GABRP: variants seen among roughly 807,000 people sequenced by gnomAD.
GABRP encodes the protein gamma-aminobutyric acid type A receptor subunit pi, also known as gamma-aminobutyric acid receptor subunit pi.
In GABRP, 52 loss-of-function variants were observed where a neutral mutation model predicts 47.8. That is an observed-to-expected ratio of 1.09 (90% CI 0.87 to 1.37). The LOEUF is 1.37. Among genes scored for constraint, GABRP ranks in the 40% most tolerant of loss-of-function variants. The pLI, the probability that GABRP is intolerant of heterozygous loss-of-function variation, is 0.00. For missense variants in GABRP, 525 were observed against 542.8 expected (o/e 0.97, Z 0.33); for synonymous variants, 221 against 205.8 (o/e 1.07, Z -0.63).
chr5:170,804,750 C>T (rs1765684267), intron 6 of GABRP, among the ~76,000 whole-genome samples: 1 of 151,880 alleles, frequency 6.6e-6, no homozygotes. Flanking sequence ...ATCATCGTCA[C>T]TCATAGACTT....
chr5:170,810,850 A>G (rs562339620), intron 9 of GABRP, among the ~76,000 whole-genome samples: 3 of 152,232 alleles, frequency 2.0e-5, no homozygotes, highest in African/African-American at 7.2e-5. Flanking sequence ...CACGTGTGCC[A>G]GCCAAAGAGG....
rs538415947 is a variant in GABRP, at chr5:170,802,218, T to A, written c.542-3498T>A. 9.2e-5 allele frequency among the ~76,000 whole-genome samples: 14 copies of A among 152,292 alleles called. No individual in the cohort carries two copies. In the East Asian group the frequency reaches 2.1e-3, roughly 23 times the overall value. The stretch of plus-strand genomic sequence containing the variant: ...ATTGTTAAGTAATCTCCATTGTTCC[T>A]TAGTAAACCGCTCCGAAATGCCCAC... On this transcript the variant is annotated intron_variant, in intron 6 of 9. Transcript: ENST00000265294.
In GABRP at chr5:170,812,373, T is replaced by C. The variant is rs1765913666; in HGVS notation, c.*115T>C. ...CCAATGGTGCTACAAGTGACTGAAA[T>C]AATATTTGAGTCTTTCTGCTCAAAG... On this transcript the variant is annotated 3_prime_UTR_variant, in exon 10 of 10. Coordinates refer to ENST00000265294, the MANE Select transcript of GABRP (RefSeq NM_014211.3). 1.3e-6 allele frequency: 1 copy of C among 793,758 alleles called. No individual in the cohort carries two copies. Among genetic ancestry groups the C allele is most frequent in the East Asian group, 2.5e-5 (1 of 40,378 alleles). The allele number at this position is 793,758 out of a possible 1,614,324, so 49.2% of individuals were successfully genotyped here.
chr5:170,799,302 G>A (rs1236592319), intron 6 of GABRP, among the ~76,000 whole-genome samples: 2 of 152,138 alleles, frequency 1.3e-5, no homozygotes, highest in Admixed American at 1.3e-4. Context: ...ACCCAGTAAT[G>A]GGATGGCTGG....
intron 6 of GABRP, among the ~76,000 whole-genome samples, chr5:170,802,478 A>G (rs1031583693): frequency 2.0e-5 from 3 of 152,218 alleles, no homozygotes; most frequent in Non-Finnish European, 2.9e-5. Context: ...TAATTATCTT[A>G]TTGATTAAAT....
At position 170,808,733 on chromosome 5, in the gene GABRP, C is replaced by G; in HGVS notation, c.813C>G (p.Val271=). 6.2e-7 allele frequency: 1 copy of G among 1,614,088 alleles called. No individual in the cohort carries two copies. The highest frequency in any genetic ancestry group is 8.5e-7 in the Non-Finnish European group (1 of 1,179,986). The part of the protein sequence containing the change: ...WVSFWISLDS[V]PARTCIGVTT... ...CATTTTGGATCTCTCTCGATTCAGT[C>G]CCTGCAAGAACCTGCATTGGTAAGC... The change falls in exon 8 of 10, where the codon GTC becomes GTG. Residue 271 remains valine (V), a synonymous_variant. Transcript: ENST00000265294.
chr5:170,791,375 C>T (rs1375536716), intron 3 of GABRP, among the ~76,000 whole-genome samples: 1 of 152,262 alleles, frequency 6.6e-6, no homozygotes, highest in African/African-American at 2.4e-5. Flanking sequence ...AGGGCCATTG[C>T]TCTCTGTAAT....
At chr5:170,784,830 A>G (rs954421203) in intron 1 of GABRP, among the ~76,000 whole-genome samples, 6 of 152,206 alleles carry the variant, frequency 3.9e-5, no homozygotes, top group African/African-American at 1.4e-4. Flanking sequence ...CTCCTCTACA[A>G]GTGGAGGTAG....
At chr5:170,811,386 G>A (rs768467165) in intron 9 of GABRP, among the ~76,000 whole-genome samples, 1 of 151,712 alleles carries the variant, frequency 6.6e-6, no homozygotes, top group Admixed American at 6.6e-5. Flanking sequence ...TGCAATGGCA[G>A]GGAGCATCAC....
chr5:170,806,989 C>CT (rs1353166821), intron 7 of GABRP, among the ~76,000 whole-genome samples: 5 of 151,742 alleles, frequency 3.3e-5, no homozygotes, highest in African/African-American at 1.2e-4. Context: ...TCTAGTGTCA[C>CT]CTAGGCTGGA....
intron 5 of GABRP, among the ~76,000 whole-genome samples, chr5:170,796,644 G>A (rs1456654592): frequency 6.6e-6 from 1 of 152,102 alleles, no homozygotes; most frequent in Non-Finnish European, 1.5e-5. Context: ...GTTCAAAGGG[G>A]TAATGCATGC....
At chr5:170,798,401 T>G (rs1765495467) in intron 6 of GABRP, among the ~76,000 whole-genome samples, 1 of 151,912 alleles carries the variant, frequency 6.6e-6, no homozygotes, top group Non-Finnish European at 1.5e-5. Context: ...CAAGAAGGAG[T>G]GGTAGCACTT....
chr5:170,806,250 T>C (rs915014574), intron 7 of GABRP, among the ~76,000 whole-genome samples: 17 of 152,222 alleles, frequency 1.1e-4, no homozygotes, highest in African/African-American at 4.1e-4. Flanking sequence ...ACTCTAATTA[T>C]TGCAAACATG....
rs1765955536 is a variant in GABRP at position 170,813,917 on chromosome 5, T to A, written c.*1659T>A. 6.6e-6 allele frequency: 1 copy of A among 152,148 alleles called. No individual in the cohort carries two copies. The highest frequency in any genetic ancestry group is 6.5e-5 in the Admixed American group (1 of 15,268). The allele number at this position is 152,148 out of a possible 1,614,324, so 9.4% of individuals were successfully genotyped here. ...TGTGGTTGTATGAGCCAATCATATTTGTGATTTTTTAAAAAAAGTTTAAAA... is the reference window on the plus strand; with the variant it reads ...TGTGGTTGTATGAGCCAATCATATTAGTGATTTTTTAAAAAAAGTTTAAAA... On this transcript the variant is annotated 3_prime_UTR_variant, in exon 10 of 10. Transcript: ENST00000265294.
chr5:170,799,897 G>A lies in GABRP; in HGVS notation c.541+2349G>A, dbSNP rs182557400. Among the ~76,000 whole-genome samples the A allele has an allele frequency of 4.5e-3, 683 of 152,194 alleles. 8 individuals are homozygous for A. Among genetic ancestry groups the A allele is most frequent in the South Asian group, 0.02 (96 of 4,820 alleles). On this transcript the variant is annotated intron_variant, in intron 6 of 9. Transcript: ENST00000265294. The stretch of plus-strand genomic sequence containing the variant: ...CTCGTGGATAGGAAGAATCAATATC[G>A]TGAAAATGGCCATACTACCCAAGGA...
rs1277539960 is a variant in GABRP, at chr5:170,812,169, A to G, written c.1234A>G (p.Ser412Gly). Residue 412 changes from serine (S) to glycine (G), a missense_variant, in exon 10 of 10, where the codon AGT becomes GGT. By Grantham distance (56) the Ser-to-Gly change is moderately conservative. Transcript: ENST00000265294. ...IVDYFTIQNP[S>G]NVDHYSKLLF... Reference sequence around the variant, plus strand: ...TGATTATTTCACAATTCAAAACCCCAGTAATGTTGATCACTATTCCAAACT... The same window carrying G: ...TGATTATTTCACAATTCAAAACCCCGGTAATGTTGATCACTATTCCAAACT... The G allele has an allele frequency of 6.2e-7, 1 of 1,614,016 alleles. No homozygotes were observed.
At chr5:170,806,738 G>A (rs113893594) in intron 7 of GABRP, among the ~76,000 whole-genome samples, 3 of 152,040 alleles carry the variant, frequency 2.0e-5, no homozygotes, top group East Asian at 3.9e-4. Context: ...CACCGCGCCC[G>A]GCCTACTGTG....
chr5:170,808,844 G>A, intron 8 of GABRP, 92 bp downstream of exon 8: 9 of 1,123,684 alleles, frequency 8.0e-6, no homozygotes, highest in Non-Finnish European at 1.1e-5. Context: ...ATATTCCTAA[G>A]GCAGTTCCAA....
At position 170,794,212 on chromosome 5, in the gene GABRP, T is replaced by G. The variant is rs1765358932; in HGVS notation, c.173-19T>G. 1 of 1,580,616 alleles carries G rather than the reference T, an allele frequency of 6.3e-7. No homozygotes were observed. The highest frequency in any genetic ancestry group is 8.7e-7 in the Non-Finnish European group (1 of 1,152,684). On this transcript the variant is annotated intron_variant, in intron 3 of 9. Transcript: ENST00000265294. ...CTCATGGTTGTGTTTCCATTCTTTC[T>G]TGTTTTTTTTTATCTTAGGAGAACC...
Sources: allele counts gnomAD v4.1 joint callset (sites outside exome capture counted in the v4.1 genomes callset), GRCh38; gene constraint gnomAD v4.1.1; transcripts MANE v1.5; gene names NCBI Gene and HGNC (gene_info 2026-07-23, HGNC 2026-07-21).